The following TRHDE variants were observed in gnomAD, a reference collection of about 807,000 sequenced individuals.
The protein encoded by TRHDE is thyrotropin releasing hormone degrading enzyme.
TRHDE carries 72 observed loss-of-function variants against 125.7 expected under a neutral mutation model. That is an observed-to-expected ratio of 0.57 (90% CI 0.47 to 0.70). The LOEUF is 0.70. Ranked by LOEUF, TRHDE falls within the 30% of genes least tolerant of loss-of-function variation. TRHDE has a pLI of 0.00. For missense variants in TRHDE, 1,110 were observed against 1,327.1 expected (o/e 0.84, Z 2.54); for synonymous variants, 509 against 509.1 (o/e 1.00, Z 0.00).
chr12:72,503,951 T>C (rs1421487612), intron 6 of TRHDE, among the ~76,000 whole-genome samples: 2 of 152,208 alleles, frequency 1.3e-5, no homozygotes, highest in Non-Finnish European at 1.5e-5. Context: ...TCCTCTGTGA[T>C]GTGAGACAAA....
Position 72,229,900 on chromosome 12 carries a change from A to G in TRHDE, n.279+124148A>G, listed in dbSNP as rs186569526. 5.3e-5 allele frequency among the ~76,000 whole-genome samples: 8 copies of G among 152,308 alleles called. No individual in the cohort carries two copies. The East Asian group carries it at 1.5e-3, about 29-fold the overall frequency. On this transcript the variant is annotated intron_variant and non_coding_transcript_variant, in intron 2 of 4. Coordinates refer to the TRHDE transcript ENST00000548156. Reference sequence around the variant, plus strand: ...AGGAAATAGGTGAGATGCTAATACCATGTTACAGGTCAGAATGGACTTCTC... The same window carrying G: ...AGGAAATAGGTGAGATGCTAATACCGTGTTACAGGTCAGAATGGACTTCTC...
chr12:72,444,592 T>C (rs561696145), intron 3 of TRHDE, among the ~76,000 whole-genome samples: 1 of 151,962 alleles, frequency 6.6e-6, no homozygotes, highest in South Asian at 2.1e-4. Context: ...AAGGACATAG[T>C]TGAGTAAAAT....
chr12:72,545,691 T>A (rs1869383361), intron 7 of TRHDE, among the ~76,000 whole-genome samples: 1 of 151,272 alleles, frequency 6.6e-6, no homozygotes, highest in Non-Finnish European at 1.5e-5. Flanking sequence ...TAACAGGGAG[T>A]TTTTGCTGGT....
chr12:72,434,104 G>T (rs1874625020), intron 3 of TRHDE, among the ~76,000 whole-genome samples: 1 of 152,092 alleles, frequency 6.6e-6, no homozygotes. Flanking sequence ...ATGTTTCTTG[G>T]CCAGGCACAG....
chr12:72,305,461 C>T (rs1452201555), intron 2 of TRHDE, among the ~76,000 whole-genome samples: 2 of 152,170 alleles, frequency 1.3e-5, no homozygotes, highest in Non-Finnish European at 2.9e-5. Flanking sequence ...GCCTTCGGGG[C>T]AAGTCAAATA....
At chr12:72,186,487 C>T (rs1877216274) in intron 2 of TRHDE, 1 of 165,718 alleles carries the variant, frequency 6.0e-6, no homozygotes, top group African/African-American at 2.4e-5. Context: ...CACATCTGAA[C>T]ATCAGAAGGG....
At chr12:72,121,361 T>C (rs763707877) in intron 2 of TRHDE, among the ~76,000 whole-genome samples, 4 of 152,220 alleles carry the variant, frequency 2.6e-5, no homozygotes, top group Admixed American at 2.0e-4. Flanking sequence ...CTTCAGCTCA[T>C]AGTGGCAGCG....
rs188289682 is a variant in TRHDE at position 72,512,328 on chromosome 12, A to G, written c.1722+12693A>G. Among the ~76,000 whole-genome samples, 178 of 149,702 alleles carry G rather than the reference A, an allele frequency of 1.2e-3. 2 individuals are homozygous for G. Among genetic ancestry groups the G allele is most frequent in the African/African-American group, 4.2e-3 (172 of 40,842 alleles). ...GGGTTTATTTATGCTAGACTTCATC[A>G]GTAGTCATAATGAAAAATAAAAAGT... On this transcript the variant is annotated intron_variant, in intron 6 of 18. Transcript: ENST00000261180.
intron 3 of TRHDE, among the ~76,000 whole-genome samples, chr12:72,410,453 AT>A (rs1458144209): frequency 1.3e-5 from 2 of 152,134 alleles, no homozygotes; most frequent in Non-Finnish European, 2.9e-5. Flanking sequence ...AAAAGGTAAA[AT>A]CATAGGTCTT....
intron 2 of TRHDE, among the ~76,000 whole-genome samples, chr12:72,333,703 G>T (rs1869705456): frequency 6.6e-6 from 1 of 152,162 alleles, no homozygotes; most frequent in Admixed American, 6.6e-5. Flanking sequence ...AGATGGAAAT[G>T]GGGACAAAAA....
Position 72,272,643 on chromosome 12 carries a change from G to A in TRHDE, c.-1G>A. The A allele has an allele frequency of 9.2e-7, 1 of 1,083,946 alleles. No individual in the cohort carries two copies. The highest frequency in any genetic ancestry group is 1.3e-6 in the Non-Finnish European group (1 of 790,436). The allele number at this position is 1,083,946 out of a possible 1,614,324, so 67.1% of individuals were successfully genotyped here. A position where few individuals can be genotyped will look rare whatever the true frequency, so the allele number is the denominator to read the frequency against. On this transcript the variant is annotated 5_prime_UTR_variant, in exon 1 of 19. Transcript: ENST00000261180. This position sits in a 1 kb window ranked among gnomAD's most constrained non-coding sequence, Gnocchi z 6.7. Reference sequence around the variant, plus strand: ...GCGGGGGAGGAGGAGGAGGCGGTGTGATGGCCCTGGACGGCGAGCTGGGGG... The same window carrying A: ...GCGGGGGAGGAGGAGGAGGCGGTGTAATGGCCCTGGACGGCGAGCTGGGGG...
At chr12:72,517,274 T>C (rs1258581512) in intron 6 of TRHDE, among the ~76,000 whole-genome samples, 3 of 151,570 alleles carry the variant, frequency 2.0e-5, no homozygotes, top group Non-Finnish European at 2.9e-5. Flanking sequence ...CATCTGGTCC[T>C]GGACTCTTTT....
At chr12:72,417,898 T>A (rs1487322679) in intron 3 of TRHDE, among the ~76,000 whole-genome samples, 1 of 152,062 alleles carries the variant, frequency 6.6e-6, no homozygotes, top group Non-Finnish European at 1.5e-5. Flanking sequence ...CACATATTTT[T>A]TATTAAGTGC....
intron 3 of TRHDE, among the ~76,000 whole-genome samples, chr12:72,380,771 C>T (rs1229250945): frequency 6.4e-5 from 6 of 93,298 alleles, no homozygotes; most frequent in African/African-American, 2.3e-4. Context: ...TCCTTGCTTC[C>T]TTCCTTCCTT....
chr12:72,350,825 C>T (rs369584262), intron 2 of TRHDE, among the ~76,000 whole-genome samples: 3 of 151,974 alleles, frequency 2.0e-5, no homozygotes, highest in African/African-American at 4.8e-5. Flanking sequence ...ACATCCCTAG[C>T]GGTTTGGCTT....
At chr12:72,513,338 A>T (rs1163954633) in intron 6 of TRHDE, among the ~76,000 whole-genome samples, 1 of 152,150 alleles carries the variant, frequency 6.6e-6, no homozygotes, top group Non-Finnish European at 1.5e-5. Flanking sequence ...CTAGTCGAAC[A>T]ACAAAGACAC....
intron 2 of TRHDE, among the ~76,000 whole-genome samples, chr12:72,205,430 A>G (rs1252620357): frequency 6.6e-6 from 1 of 151,902 alleles, no homozygotes; most frequent in Non-Finnish European, 1.5e-5. Flanking sequence ...TGTTAACTAT[A>G]TGTACATCAT....
chr12:72,131,663 C>A (rs1362875647), intron 2 of TRHDE, among the ~76,000 whole-genome samples: 1 of 152,202 alleles, frequency 6.6e-6, no homozygotes, highest in East Asian at 1.9e-4. Flanking sequence ...TGGCTGCTGT[C>A]TGGCGACAGC....
intron 15 of TRHDE, among the ~76,000 whole-genome samples, chr12:72,640,138 G>C (rs1873982389): frequency 6.6e-6 from 1 of 152,224 alleles, no homozygotes; most frequent in Non-Finnish European, 1.5e-5. Flanking sequence ...TCAGACTGCT[G>C]TGCTAGCAAT....
Sources: gnomAD v4.1 joint callset for allele counts (sites outside exome capture counted in the v4.1 genomes callset) on GRCh38, gnomAD v4.1.1 for gene constraint, Gnocchi (gnomAD v3.1) non-coding constraint, MANE v1.5 for transcripts, NCBI Gene and HGNC (gene_info 2026-07-23, HGNC 2026-07-21) for gene names.